Variants in CPNE4 observed in about 807,000 individuals in gnomAD.
CPNE4 encodes copine 4, also known as copine-4.
A neutral mutation model predicts 67.9 loss-of-function variants in CPNE4; 25 were observed. The observed-to-expected ratio is 0.37, with a 90% CI of 0.27 to 0.51. The LOEUF (loss-of-function observed/expected upper bound fraction) is 0.51. Among genes scored for constraint, CPNE4 ranks in the 20% least tolerant of loss-of-function variants. The pLI, the probability that CPNE4 is intolerant of heterozygous loss-of-function variation, is 0.93. For synonymous variants in CPNE4, 242 were observed against 244.9 expected (o/e 0.99, Z 0.11); for missense variants, 464 against 690.8 (o/e 0.67, Z 3.68).
intron 1 of CPNE4, among the ~76,000 whole-genome samples, chr3:131,912,733 A>G (rs562139862): frequency 6.6e-6 from 1 of 152,176 alleles, no homozygotes; most frequent in Non-Finnish European, 1.5e-5. Flanking sequence ...GGCATAAATG[A>G]GATAGTCCAC....
intron 1 of CPNE4, among the ~76,000 whole-genome samples, chr3:132,011,483 C>T (rs1454257105): frequency 6.6e-6 from 1 of 152,194 alleles, no homozygotes; most frequent in Non-Finnish European, 1.5e-5. Flanking sequence ...ACATTTCACA[C>T]ATAGCTGGTG....
At chr3:131,574,963 C>A in intron 10 of CPNE4, 108 bp downstream of exon 10, 1 of 887,124 alleles carries the variant, frequency 1.1e-6, no homozygotes, top group Non-Finnish European at 1.9e-6. Flanking sequence ...AACAAAGCTG[C>A]CTGAAGGTTT....
chr3:132,012,414 C>G (rs573583027), intron 1 of CPNE4, among the ~76,000 whole-genome samples: 2 of 152,234 alleles, frequency 1.3e-5, no homozygotes, highest in South Asian at 4.2e-4. Context: ...ACTGATCTGA[C>G]CACCTTGGCC....
chr3:131,937,470 A>C (rs1468049943), intron 1 of CPNE4, among the ~76,000 whole-genome samples: 1 of 152,206 alleles, frequency 6.6e-6, no homozygotes, highest in Non-Finnish European at 1.5e-5. Context: ...TTGAACATAT[A>C]GGAATTACAG....
intron 2 of CPNE4, among the ~76,000 whole-genome samples, chr3:131,884,125 T>C (rs2087787267): frequency 6.6e-6 from 1 of 152,234 alleles, no homozygotes; most frequent in South Asian, 2.1e-4. Context: ...GCACAAAAGC[T>C]GGGACCATGT....
At chr3:131,647,883 A>G (rs143391147) in intron 7 of CPNE4, among the ~76,000 whole-genome samples, 1 of 152,208 alleles carries the variant, frequency 6.6e-6, no homozygotes, top group East Asian at 1.9e-4. Flanking sequence ...TTTATCCTCA[A>G]TGTGACTGCA....
At chr3:131,855,588 A>G (rs1056711930) in intron 2 of CPNE4, among the ~76,000 whole-genome samples, 1 of 152,126 alleles carries the variant, frequency 6.6e-6, no homozygotes, top group Middle Eastern at 3.4e-3. Context: ...TTTAGAACAC[A>G]TCAGTTCCAT....
At chr3:132,022,580 AT>A (rs1317563478) in intron 1 of CPNE4, among the ~76,000 whole-genome samples, 2 of 151,628 alleles carry the variant, frequency 1.3e-5, no homozygotes, top group Admixed American at 6.6e-5. Flanking sequence ...AAAAAAAATA[AT>A]AATAATAATA....
At chr3:131,538,885 C>T (rs1935323477) in intron 15 of CPNE4, 1 of 152,256 alleles carries the variant, frequency 6.6e-6, no homozygotes, top group Admixed American at 6.5e-5. Flanking sequence ...GGTGCTGGTG[C>T]TATGCTCTTG....
rs538200609 is a variant in CPNE4, at chr3:131,617,531, C to G, written c.682-29949G>C. On this transcript the variant is annotated intron_variant, in intron 7 of 15. Coordinates refer to ENST00000429747, the MANE Select transcript of CPNE4 (RefSeq NM_130808.3). ...CTGATTTCTAATACAGACGCCTTTT[C>G]AATAAATAATTTATTTGAAAACAAT... Among the ~76,000 whole-genome samples, 10 of 152,234 alleles carry G rather than the reference C, an allele frequency of 6.6e-5. No homozygotes were observed. The East Asian group carries it at 1.7e-3, about 26-fold the overall frequency.
chr3:131,653,481 C>CA (rs907808860), intron 7 of CPNE4, among the ~76,000 whole-genome samples: 14 of 152,142 alleles, frequency 9.2e-5, no homozygotes, highest in Non-Finnish European at 1.6e-4. Flanking sequence ...CTCCTGCCTC[C>CA]AGCCTTGCCC....
At chr3:131,536,042 C>G (rs1006012764) in intron 15 of CPNE4, among the ~76,000 whole-genome samples, 3 of 152,054 alleles carry the variant, frequency 2.0e-5, no homozygotes, top group African/African-American at 4.8e-5. Context: ...ATTTGACCAT[C>G]ATAGGCATAG....
At chr3:131,548,710 G>C (rs763443742) in intron 14 of CPNE4, among the ~76,000 whole-genome samples, 4 of 152,190 alleles carry the variant, frequency 2.6e-5, no homozygotes, top group South Asian at 2.1e-4. Context: ...GAGCGAAAGA[G>C]AAAATGATAA....
chr3:132,024,883 AC>A (rs1239033391), intron 1 of CPNE4, among the ~76,000 whole-genome samples: 2 of 152,334 alleles, frequency 1.3e-5, no homozygotes, highest in Admixed American at 6.5e-5. Flanking sequence ...TCTCAGTGGT[AC>A]CACACAGGAG....
intron 7 of CPNE4, among the ~76,000 whole-genome samples, chr3:131,661,799 G>A (rs575428299): frequency 1.3e-4 from 20 of 152,142 alleles, no homozygotes; most frequent in Non-Finnish European, 2.2e-4. Flanking sequence ...TAGAGAGGAC[G>A]GTGAAATTGC....
chr3:132,011,339 T>C (rs2073756532), intron 1 of CPNE4, among the ~76,000 whole-genome samples: 1 of 152,210 alleles, frequency 6.6e-6, no homozygotes, highest in African/African-American at 2.4e-5. Flanking sequence ...GGAAAACAAG[T>C]AGCTCCTGAG....
At chr3:131,979,249 G>T (rs1036113496) in intron 1 of CPNE4, among the ~76,000 whole-genome samples, 1 of 152,010 alleles carries the variant, frequency 6.6e-6, no homozygotes, top group East Asian at 1.9e-4. Flanking sequence ...TGTTGACTTT[G>T]TCTTGATGAC....
At chr3:131,997,862 T>C (rs527501967) in intron 1 of CPNE4, among the ~76,000 whole-genome samples, 9 of 152,034 alleles carry the variant, frequency 5.9e-5, no homozygotes, top group African/African-American at 2.2e-4. Context: ...GTAGAAAGTT[T>C]TTGAGTCGGA....
intron 7 of CPNE4, among the ~76,000 whole-genome samples, chr3:131,650,125 G>GCCATATA (rs780776914): frequency 0.22 from 32,965 of 152,102 alleles, 4,163 homozygotes; most frequent in African/African-American, 0.35. Context: ...TCTTTTAAAG[G>GCCATATA]GCATATCTGA....
Sources: allele counts gnomAD v4.1 joint callset (sites outside exome capture counted in the v4.1 genomes callset), GRCh38; gene constraint gnomAD v4.1.1; transcripts MANE v1.5; gene names NCBI Gene and HGNC (gene_info 2026-07-23, HGNC 2026-07-21).